The following TMEM135 variants were observed in gnomAD, a reference collection of about 807,000 sequenced individuals.
TMEM135 encodes transmembrane protein 135.
In TMEM135, 30 loss-of-function variants were observed where a neutral mutation model predicts 60.3. The observed-to-expected ratio is 0.50, with a 90% CI of 0.37 to 0.68. The LOEUF (loss-of-function observed/expected upper bound fraction) is 0.68, where lower values mean the gene tolerates loss of function less well. TMEM135 is among the 30% of genes least tolerant of loss of function. The pLI, the probability that TMEM135 is intolerant of heterozygous loss-of-function variation, is 0.00. For missense variants in TMEM135, 468 were observed against 548.8 expected (o/e 0.85, Z 1.47); for synonymous variants, 190 against 186.7 (o/e 1.02, Z -0.14).
chr11:87,287,431 C>T (rs1942186775), intron 6 of TMEM135, among the ~76,000 whole-genome samples: 1 of 152,170 alleles, frequency 6.6e-6, no homozygotes, highest in African/African-American at 2.4e-5. Context: ...GTAATCCCAG[C>T]ACTTTGGGAG....
intron 1 of TMEM135, among the ~76,000 whole-genome samples, chr11:87,061,253 A>G (rs1189149847): frequency 2.6e-5 from 4 of 152,176 alleles, no homozygotes; most frequent in Non-Finnish European, 5.9e-5. Flanking sequence ...TAAGGGGCAC[A>G]ATCTTACCTC....
chr11:87,155,792 G>A (rs957723907), intron 4 of TMEM135, among the ~76,000 whole-genome samples: 1 of 152,166 alleles, frequency 6.6e-6, no homozygotes, highest in Non-Finnish European at 1.5e-5. Flanking sequence ...CTTTAAGTTG[G>A]TTGGTGTCAG....
intron 1 of TMEM135, among the ~76,000 whole-genome samples, chr11:87,064,954 T>C (rs1856619605): frequency 6.6e-6 from 1 of 150,920 alleles, no homozygotes; most frequent in Non-Finnish European, 1.5e-5. Flanking sequence ...GGATTAGCTT[T>C]TTTTTTTTCC....
intron 5 of TMEM135, among the ~76,000 whole-genome samples, chr11:87,186,224 G>A (rs1462144156): frequency 6.6e-6 from 1 of 152,106 alleles, no homozygotes. Context: ...CTTCTTGAAG[G>A]TAAAGTTGTC....
chr11:87,274,802 G>T (rs1282745891), intron 6 of TMEM135, among the ~76,000 whole-genome samples: 2 of 149,838 alleles, frequency 1.3e-5, no homozygotes, highest in African/African-American at 4.9e-5. Context: ...GTGTGTGTGT[G>T]TGTGTGTGTG....
intron 4 of TMEM135, among the ~76,000 whole-genome samples, chr11:87,098,213 A>T (rs1455670028): frequency 6.6e-6 from 1 of 152,054 alleles, no homozygotes; most frequent in East Asian, 1.9e-4. Flanking sequence ...TAACTCCTGT[A>T]AGCTTAGCGT....
chr11:87,197,661 A>G (rs890107409), intron 5 of TMEM135, among the ~76,000 whole-genome samples: 1 of 152,010 alleles, frequency 6.6e-6, no homozygotes, highest in Non-Finnish European at 1.5e-5. Context: ...TTAGCAAAAA[A>G]AAAATGTCAC....
intron 6 of TMEM135, among the ~76,000 whole-genome samples, chr11:87,267,894 G>A (rs987473738): frequency 6.6e-6 from 1 of 152,034 alleles, no homozygotes; most frequent in African/African-American, 2.4e-5. Flanking sequence ...GTTTCACCAT[G>A]TTGACCAGAA....
Position 87,147,585 on chromosome 11 carries a change from G to A in TMEM135, c.397-9756G>A, listed in dbSNP as rs1938450198. ...AATAACTAAAGAAGAAAATCACCCA[G>A]AGATTACTGCTGTTATCACCTCAGC... is the stretch of plus-strand genomic sequence containing the variant. On this transcript the variant is annotated intron_variant, in intron 4 of 14. Transcript: ENST00000305494. Among the ~76,000 whole-genome samples the A allele has an allele frequency of 2.0e-5, 3 of 152,128 alleles. No individual in the cohort carries two copies. In the South Asian group the frequency reaches 6.2e-4, roughly 31 times the overall value.
At chr11:87,294,544 C>T (rs574507097) in intron 6 of TMEM135, among the ~76,000 whole-genome samples, 15 of 152,244 alleles carry the variant, frequency 9.9e-5, no homozygotes, top group African/African-American at 3.4e-4. Context: ...CCACCACGCC[C>T]GGCTAATTTT....
intron 4 of TMEM135, among the ~76,000 whole-genome samples, chr11:87,131,939 T>C (rs1224223779): frequency 6.6e-6 from 1 of 152,020 alleles, no homozygotes; most frequent in Non-Finnish European, 1.5e-5. Context: ...GCGAACTCTT[T>C]TATGAATTGC....
At chr11:87,286,514 G>A (rs1181187809) in intron 6 of TMEM135, among the ~76,000 whole-genome samples, 1 of 152,248 alleles carries the variant, frequency 6.6e-6, no homozygotes, top group Non-Finnish European at 1.5e-5. Flanking sequence ...CCCGTGCTGC[G>A]CGCCTGCACT....
At chr11:87,084,777 C>G (rs1223550523) in intron 3 of TMEM135, among the ~76,000 whole-genome samples, 2 of 152,154 alleles carry the variant, frequency 1.3e-5, no homozygotes, top group Non-Finnish European at 2.9e-5. Flanking sequence ...CTGAGCTTTC[C>G]CAGCCTTCTA....
chr11:87,098,222 G>A (rs760150839), intron 4 of TMEM135, among the ~76,000 whole-genome samples: 4 of 151,558 alleles, frequency 2.6e-5, no homozygotes, highest in South Asian at 2.1e-4. Context: ...TAAGCTTAGC[G>A]TTCCAATAAT....
intron 8 of TMEM135, among the ~76,000 whole-genome samples, chr11:87,304,043 A>C (rs555542929): frequency 2.0e-5 from 3 of 152,300 alleles, no homozygotes; most frequent in African/African-American, 7.2e-5. Flanking sequence ...ACTAATTGAC[A>C]GTACGGTTGA....
chr11:87,306,987 A>G (rs1053149938), intron 9 of TMEM135, among the ~76,000 whole-genome samples: 3 of 152,010 alleles, frequency 2.0e-5, no homozygotes, highest in African/African-American at 7.2e-5. Flanking sequence ...TCCCAACACT[A>G]GGATTACAGG....
chr11:87,138,049 G>A (rs538494), intron 4 of TMEM135, among the ~76,000 whole-genome samples: 71,267 of 150,294 alleles, frequency 0.47, 17,152 homozygotes, highest in East Asian at 0.67. Flanking sequence ...ATGAAAACAG[G>A]TTAGACATTT....
At chr11:87,042,977 C>G (rs1949763336) in intron 1 of TMEM135, among the ~76,000 whole-genome samples, 1 of 142,078 alleles carries the variant, frequency 7.0e-6, no homozygotes, top group African/African-American at 2.8e-5. Flanking sequence ...TTTTTTGAGA[C>G]AGAGTTTCGC....
intron 4 of TMEM135, among the ~76,000 whole-genome samples, chr11:87,123,550 CT>C (rs750188573): frequency 6.6e-6 from 1 of 150,868 alleles, no homozygotes; most frequent in Non-Finnish European, 1.5e-5. Context: ...AATAAGGTCA[CT>C]TTCACAAGAA....
Sources: allele counts gnomAD v4.1 joint callset (sites outside exome capture counted in the v4.1 genomes callset), GRCh38; gene constraint gnomAD v4.1.1; transcripts MANE v1.5; gene names NCBI Gene and HGNC (gene_info 2026-07-23, HGNC 2026-07-21).